Variants in ERBB2 observed in about 807,000 individuals in gnomAD.
ERBB2 encodes the protein erb-b2 receptor tyrosine kinase 2, also known as receptor tyrosine-protein kinase erbB-2.
ERBB2 carries 61 observed loss-of-function variants against 149.0 expected under a neutral mutation model. That is an observed-to-expected ratio of 0.41 (90% CI 0.33 to 0.51). The LOEUF (loss-of-function observed/expected upper bound fraction) is 0.51. ERBB2 is among the 20% of genes least tolerant of loss of function. The pLI, the probability that ERBB2 is intolerant of heterozygous loss-of-function variation, is 0.25. For synonymous variants in ERBB2, 633 were observed against 678.8 expected (o/e 0.93, Z 1.05); for missense variants, 1,205 against 1,655.1 (o/e 0.73, Z 4.72).
chr17:39,709,084 A>C (rs1323648450), intron 3 of ERBB2, among the ~76,000 whole-genome samples: 1 of 152,130 alleles, frequency 6.6e-6, no homozygotes, highest in Non-Finnish European at 1.5e-5. Flanking sequence ...TGCGGTCCAC[A>C]TGAGCATCTG....
Position 39,709,900 on chromosome 17 carries a change from TGGAGTCAGGGAAGG to T in ERBB2, c.643+24_643+37del, listed in dbSNP as rs772498778. 1 of 1,611,428 alleles carries T rather than the reference TGGAGTCAGGGAAGG, an allele frequency of 6.2e-7. No homozygotes were observed. Among genetic ancestry groups the T allele is most frequent in the South Asian group, 1.1e-5 (1 of 91,050 alleles). ...CAGAGCCGTGAGTCTCAGGGAGGCC[TGGAGTCAGGGAAGG>T]GGAGGGCTGGGGCCGGGTGGAATGC... On this transcript the variant is annotated intron_variant, in intron 5 of 26. Coordinates refer to ENST00000269571, the MANE Select transcript of ERBB2 (RefSeq NM_004448.4).
chr17:39,716,945 T>C, intron 14 of ERBB2: 1 of 468,490 alleles, frequency 2.1e-6, no homozygotes, highest in Non-Finnish European at 3.9e-6. Context: ...AAATGGGTAT[T>C]GTAATAATAC....
At chr17:39,695,755 A>ACACACACACACACACACACACC (rs2057849435), upstream of ERBB2, among the ~76,000 whole-genome samples, 1 of 144,760 alleles carries the variant, frequency 6.9e-6, no homozygotes, top group African/African-American at 2.6e-5. Flanking sequence ...ACACACACAC[A>ACACACACACACACACACACACC]CACGTCTCCT....
At chr17:39,709,262 G>C (rs2145465959) in intron 3 of ERBB2, 56 bp from the exon 4 acceptor site, 1 of 1,604,024 alleles carries the variant, frequency 6.2e-7, no homozygotes, top group Non-Finnish European at 8.5e-7. Flanking sequence ...GGGCCCCAAG[G>C]GAAGCAGAAG....
chr17:39,725,810 G>T lies in ERBB2; in HGVS notation c.2829G>T (p.Gln943His). 1.9e-6 allele frequency: 3 copies of T among 1,613,836 alleles called. No homozygotes were observed. The highest frequency in any genetic ancestry group is 2.5e-6 in the Non-Finnish European group (3 of 1,179,896). The change falls in exon 23 of 27, where the codon CAG becomes CAT. Residue 943 changes from glutamine to histidine, a missense_variant. Gln to His is a conservative substitution (Grantham distance 24). Coordinates refer to ENST00000269571, the MANE Select transcript of ERBB2 (RefSeq NM_004448.4). This position sits in a 1 kb window ranked among gnomAD's most constrained non-coding sequence, Gnocchi z 4.6. Reference sequence around the variant, plus strand: ...TGGAAAAGGGGGAGCGGCTGCCCCAGCCCCCCATCTGCACCATTGATGTCT... The same window carrying T: ...TGGAAAAGGGGGAGCGGCTGCCCCATCCCCCCATCTGCACCATTGATGTCT... ...DLLEKGERLP[Q>H]PPICTIDVYM...
intron 1 of ERBB2, among the ~76,000 whole-genome samples, chr17:39,706,280 G>T (rs1485691585): frequency 6.6e-6 from 1 of 152,214 alleles, no homozygotes; most frequent in Non-Finnish European, 1.5e-5. Context: ...AGGTGGCCAG[G>T]GTGAGGGTGC....
intron 5 of ERBB2, 25 bp downstream of exon 5, chr17:39,709,906 CAG>C: frequency 2.5e-6 from 4 of 1,609,228 alleles, no homozygotes; most frequent in Non-Finnish European, 3.4e-6. Flanking sequence ...GGCCTGGAGT[CAG>C]GGAAGGGGAG....
rs2058822394 is a variant in ERBB2, at chr17:39,711,919, T to C, written c.902-9T>C. On this transcript the variant is annotated splice_polypyrimidine_tract_variant and intron_variant, in intron 7 of 26. Coordinates refer to ENST00000269571, the MANE Select transcript of ERBB2 (RefSeq NM_004448.4). ...AGGGTATGTGGCTACATGTTCCTGATCTCCTTAGACAACTACCTTTCTACG... is the reference window on the plus strand; with the variant it reads ...AGGGTATGTGGCTACATGTTCCTGACCTCCTTAGACAACTACCTTTCTACG... The C allele has an allele frequency of 6.2e-7, 1 of 1,613,924 alleles. No individual in the cohort carries two copies. The highest frequency in any genetic ancestry group is 8.5e-7 in the Non-Finnish European group (1 of 1,179,966).
Position 39,727,804 on chromosome 17 carries a change from G to A in ERBB2, c.3528G>A (p.Gly1176=), listed in dbSNP as rs2143298358. The A allele has an allele frequency of 1.9e-6, 3 of 1,613,490 alleles. No homozygotes were observed. Among genetic ancestry groups the A allele is most frequent in the Non-Finnish European group, 2.5e-6 (3 of 1,179,476 alleles). The change falls in exon 27 of 27, where the codon GGG becomes GGA. Residue 1176 remains glycine (G), a synonymous_variant. Transcript: ENST00000269571. This position sits in a 1 kb window ranked among gnomAD's most constrained non-coding sequence, Gnocchi z 4.3. ...TLERPKTLSP[G]KNGVVKDVFA... is the part of the protein sequence containing the mutation. Reference sequence around the variant, plus strand: ...AAAGGCCCAAGACTCTCTCCCCAGGGAAGAATGGGGTCGTCAAAGACGTTT... The same window carrying A: ...AAAGGCCCAAGACTCTCTCCCCAGGAAAGAATGGGGTCGTCAAAGACGTTT...
rs748926804 is a variant in ERBB2, at chr17:39,700,202, C to T, written c.-37C>T. The T allele has an allele frequency of 3.2e-4, 450 of 1,413,478 alleles. No individual in the cohort carries two copies. The highest frequency in any genetic ancestry group is 3.9e-4 in the Non-Finnish European group (429 of 1,088,328). 87.6% of individuals were successfully genotyped at this position (1,413,478 alleles called of 1,614,324 possible). On this transcript the variant is annotated 5_prime_UTR_variant, in exon 1 of 27. Coordinates refer to ENST00000269571, the MANE Select transcript of ERBB2 (RefSeq NM_004448.4). ...CGCCCCGCGCCCTCCCAGCCGGGTC[C>T]AGCCGGAGCCATGGGGCCGGAGCCG...
chr17:39,723,965 G>A lies in ERBB2; in HGVS notation c.2262G>A (p.Val754=), dbSNP rs2145826752. The change falls in exon 19 of 27, where the codon GTG becomes GTA. Residue 754 remains valine (V), a synonymous_variant. Transcript: ENST00000269571. The surrounding 1 kb of genome is among the most constrained non-coding windows in gnomAD (Gnocchi z 6.2). The part of the protein sequence containing the change: ...ENVKIPVAIK[V]LRENTSPKAN... The stretch of plus-strand genomic sequence containing the variant: ...TGAAAATTCCAGTGGCCATCAAAGT[G>A]TTGAGGGAAAACACATCCCCCAAAG... 2 of 1,614,098 alleles carry A rather than the reference G, an allele frequency of 1.2e-6. No individual in the cohort carries two copies. The highest frequency in any genetic ancestry group is 1.7e-6 in the Non-Finnish European group (2 of 1,180,004).
Position 39,725,326 on chromosome 17 carries a change from G to A in ERBB2, c.2650-1G>A, listed in dbSNP as rs2145874210. The A allele has an allele frequency of 6.2e-7, 1 of 1,614,008 alleles. No individual in the cohort carries two copies. The highest frequency in any genetic ancestry group is 8.5e-7 in the Non-Finnish European group (1 of 1,179,998). The stretch of plus-strand genomic sequence containing the variant: ...GAGGACTTCCTCTTCTGCCCTCCCA[G>A]GTGCCCATCAAGTGGATGGCGCTGG... On this transcript the variant is annotated splice_acceptor_variant, in intron 21 of 26. Coordinates refer to ENST00000269571, the MANE Select transcript of ERBB2 (RefSeq NM_004448.4). LOFTEE classifies it high-confidence loss of function. The surrounding 1 kb of genome is among the most constrained non-coding windows in gnomAD (Gnocchi z 4.6).
Position 39,727,871 on chromosome 17 carries a change from C to G in ERBB2, c.3595C>G (p.Pro1199Ala), listed in dbSNP as rs779469693. Residue 1199 changes from proline to alanine, a missense_variant, in exon 27 of 27, where the codon CCC becomes GCC. Physicochemically the swap from Pro to Ala is conservative, Grantham distance 27 (BLOSUM62 -1). Coordinates refer to ENST00000269571, the MANE Select transcript of ERBB2 (RefSeq NM_004448.4). This position sits in a 1 kb window ranked among gnomAD's most constrained non-coding sequence, Gnocchi z 4.3. ...GAVENPEYLT[P>A]QGGAAPQPHP... Reference sequence around the variant, plus strand: ...CGTGGAGAACCCCGAGTACTTGACACCCCAGGGAGGAGCTGCCCCTCAGCC... The same window carrying G: ...CGTGGAGAACCCCGAGTACTTGACAGCCCAGGGAGGAGCTGCCCCTCAGCC... 1 of 1,614,124 alleles carries G rather than the reference C, an allele frequency of 6.2e-7. No homozygotes were observed. Among genetic ancestry groups the G allele is most frequent in the Non-Finnish European group, 8.5e-7 (1 of 1,180,006 alleles).
intron 1 of ERBB2, 41 bp from the exon 2 acceptor site, chr17:39,706,949 C>A (rs2058478128): frequency 6.8e-7 from 1 of 1,480,290 alleles, no homozygotes; most frequent in Non-Finnish European, 9.0e-7. Flanking sequence ...TGAGAAGGTC[C>A]CCCGCCAGTG....
chr17:39,690,769 A>T (rs1241256741), upstream of ERBB2, among the ~76,000 whole-genome samples: 2 of 152,172 alleles, frequency 1.3e-5, no homozygotes, highest in Non-Finnish European at 2.9e-5. Flanking sequence ...AAAAGTCACT[A>T]ATTCATTCCT....
rs2143056048 is a variant in ERBB2, at chr17:39,725,687, T to C, written c.2726-20T>C. ...AAGCTCCCTCTGGCCCTCCCACTCC[T>C]GACCCTGTCTCTGCCTTAGGTGTGA... On this transcript the variant is annotated intron_variant, in intron 22 of 26. Transcript: ENST00000269571. The surrounding 1 kb of genome is among the most constrained non-coding windows in gnomAD (Gnocchi z 4.6). The C allele has an allele frequency of 1.2e-6, 2 of 1,600,740 alleles. No individual in the cohort carries two copies. Among genetic ancestry groups the C allele is most frequent in the African/African-American group, 2.7e-5 (2 of 74,412 alleles).
rs2059764760 is a variant in ERBB2 at position 39,726,431 on chromosome 17, C to T, written c.2873-131C>T. 3 of 709,132 alleles carry T rather than the reference C, an allele frequency of 4.2e-6. No individual in the cohort carries two copies. Among genetic ancestry groups the T allele is most frequent in the African/African-American group, 3.5e-5 (2 of 57,016 alleles). The allele number at this position is 709,132 out of a possible 1,614,324, so 43.9% of individuals were successfully genotyped here. A position where few individuals can be genotyped will look rare whatever the true frequency, so the allele number is the denominator to read the frequency against. ...CTGAAGACCCCAGAGTCTGGTGCTA[C>T]TTCTCTACCACCTGAGGGCTTTGGG... On this transcript the variant is annotated intron_variant, in intron 23 of 26. Transcript: ENST00000269571. This position sits in a 1 kb window ranked among gnomAD's most constrained non-coding sequence, Gnocchi z 5.1.
At position 39,723,833 on chromosome 17, in the gene ERBB2, G is replaced by A. The variant is rs1597884805; in HGVS notation, c.2209-79G>A. On this transcript the variant is annotated intron_variant, in intron 18 of 26. Transcript: ENST00000269571. The surrounding 1 kb of genome is among the most constrained non-coding windows in gnomAD (Gnocchi z 6.2). The stretch of plus-strand genomic sequence containing the variant: ...CCTAGGGTGGTGAAGGATGTTTGGA[G>A]GACAAGTAATGATCTCCTGGAAGGC... 1 of 1,501,200 alleles carries A rather than the reference G, an allele frequency of 6.7e-7. No homozygotes were observed. Among genetic ancestry groups the A allele is most frequent in the Non-Finnish European group, 9.2e-7 (1 of 1,084,370 alleles). The allele number at this position is 1,501,200 out of a possible 1,614,324, so 93.0% of individuals were successfully genotyped here.
intron 15 of ERBB2, among the ~76,000 whole-genome samples, chr17:39,718,243 T>G (rs190003073): frequency 6.6e-6 from 1 of 152,362 alleles, no homozygotes; most frequent in Admixed American, 6.5e-5. Context: ...TTTTAATTTT[T>G]CTTATTTAGT....
Sources: allele counts gnomAD v4.1 joint callset (sites outside exome capture counted in the v4.1 genomes callset), GRCh38; gene constraint gnomAD v4.1.1; non-coding constraint Gnocchi (gnomAD v3.1); transcripts MANE v1.5; gene names NCBI Gene and HGNC (gene_info 2026-07-23, HGNC 2026-07-21).